SLC14A2: variants seen among roughly 807,000 people sequenced by gnomAD.
The protein encoded by SLC14A2 is solute carrier family 14 member 2, also known as urea transporter 2.
In SLC14A2, 91 loss-of-function variants were observed where a neutral mutation model predicts 104.6. The observed-to-expected ratio is 0.87, with a 90% CI of 0.73 to 1.04. The LOEUF (loss-of-function observed/expected upper bound fraction) is 1.04, where lower values mean the gene tolerates loss of function less well. SLC14A2 is among the 50% of genes least tolerant of loss of function. The probability of loss-of-function intolerance (pLI) is 0.00; values close to 1 mark genes in which losing one functional copy is unlikely to be tolerated. For missense variants in SLC14A2, 1,189 were observed against 1,156.0 expected (o/e 1.03, Z -0.41); for synonymous variants, 476 against 466.4 (o/e 1.02, Z -0.27).
intron 2 of SLC14A2, among the ~76,000 whole-genome samples, chr18:45,485,933 C>T (rs74581885): frequency 0.026 from 4,014 of 152,200 alleles, 71 homozygotes; most frequent in Non-Finnish European, 0.041. Flanking sequence ...TGTGATGACA[C>T]AAGTTTAATT....
chr18:45,220,882 A>T (rs971484335), intron 1 of SLC14A2, among the ~76,000 whole-genome samples: 2 of 152,212 alleles, frequency 1.3e-5, no homozygotes, highest in African/African-American at 4.8e-5. Context: ...TTTTTGGTTT[A>T]CAGAGGGCTA....
At chr18:45,660,426 C>T (rs981355936) in intron 10 of SLC14A2, among the ~76,000 whole-genome samples, 1 of 152,228 alleles carries the variant, frequency 6.6e-6, no homozygotes, top group Non-Finnish European at 1.5e-5. Context: ...TGTCCTCCCT[C>T]AGGAGATACC....
At chr18:45,572,547 G>A (rs1031453373) in intron 2 of SLC14A2, among the ~76,000 whole-genome samples, 6 of 152,092 alleles carry the variant, frequency 3.9e-5, no homozygotes, top group African/African-American at 1.2e-4. Context: ...GTTTAACCCT[G>A]GCATTCACCT....
intron 2 of SLC14A2, among the ~76,000 whole-genome samples, chr18:45,600,023 T>A (rs569108489): frequency 1.3e-5 from 2 of 151,700 alleles, no homozygotes; most frequent in South Asian, 2.1e-4. Flanking sequence ...ACAAACAATA[T>A]CAGAGCCCTT....
chr18:45,222,036 A>G (rs1414230826), intron 1 of SLC14A2, among the ~76,000 whole-genome samples: 2 of 152,148 alleles, frequency 1.3e-5, no homozygotes, highest in Admixed American at 1.3e-4. Flanking sequence ...TAAGATACAA[A>G]GAGAGAAGAT....
chr18:45,477,418 G>A (rs1322890089), intron 1 of SLC14A2, among the ~76,000 whole-genome samples: 1 of 152,156 alleles, frequency 6.6e-6, no homozygotes, highest in Non-Finnish European at 1.5e-5. Context: ...GGTGTCTGTC[G>A]ACCCCTGCTA....
At chr18:45,487,130 C>G (rs2087622153) in intron 2 of SLC14A2, among the ~76,000 whole-genome samples, 1 of 152,214 alleles carries the variant, frequency 6.6e-6, no homozygotes, top group Admixed American at 6.5e-5. Flanking sequence ...ATCAAGGTAC[C>G]AGCAGTGCTG....
chr18:45,313,604 C>T (rs1046610177), intron 1 of SLC14A2, among the ~76,000 whole-genome samples: 2 of 152,130 alleles, frequency 1.3e-5, no homozygotes, highest in African/African-American at 4.8e-5. Context: ...CTAGTTCTAG[C>T]TCAGTAATAT....
intron 1 of SLC14A2, among the ~76,000 whole-genome samples, chr18:45,450,005 G>A (rs949493999): frequency 6.6e-6 from 1 of 152,208 alleles, no homozygotes; most frequent in South Asian, 2.1e-4. Flanking sequence ...TCGGTCCCAT[G>A]AACCATCTGC....
At chr18:45,212,272 G>T (rs1480713289), upstream of SLC14A2, among the ~76,000 whole-genome samples, 1 of 152,136 alleles carries the variant, frequency 6.6e-6, no homozygotes, top group Non-Finnish European at 1.5e-5. Flanking sequence ...GAGTTAATTT[G>T]CACATTGTAA....
intron 2 of SLC14A2, among the ~76,000 whole-genome samples, chr18:45,576,582 G>T (rs1021070326): frequency 1.3e-5 from 2 of 152,004 alleles, no homozygotes. Flanking sequence ...TGGAGCAGGG[G>T]TCTTCTTAAA....
At chr18:45,296,884 T>C (rs998778469) in intron 1 of SLC14A2, among the ~76,000 whole-genome samples, 1 of 152,230 alleles carries the variant, frequency 6.6e-6, no homozygotes, top group Admixed American at 6.5e-5. Context: ...AAATATCCTA[T>C]TGTTCTTTTC....
chr18:45,478,538 CTTCTT>C (rs1385836698), intron 1 of SLC14A2, among the ~76,000 whole-genome samples: 1 of 152,164 alleles, frequency 6.6e-6, no homozygotes, highest in Non-Finnish European at 1.5e-5. Flanking sequence ...TTATCATTAC[CTTCTT>C]TTCTTGCAAT....
At chr18:45,672,187 G>A (rs2046151424) in intron 16 of SLC14A2, among the ~76,000 whole-genome samples, 1 of 152,074 alleles carries the variant, frequency 6.6e-6, no homozygotes. Context: ...AACACACAGG[G>A]CCATTTTTTT....
chr18:45,660,394 G>A (rs896532098), intron 10 of SLC14A2, among the ~76,000 whole-genome samples: 1 of 152,152 alleles, frequency 6.6e-6, no homozygotes, highest in Admixed American at 6.5e-5. Context: ...GAGCAGAGGG[G>A]CCTAGTTCCA....
chr18:45,202,531 T>C, the SLC14A2 span, among the ~76,000 whole-genome samples: 1 of 152,156 alleles, frequency 6.6e-6, no homozygotes, highest in Non-Finnish European at 1.5e-5. Context: ...AATATTATTT[T>C]TGTTTCGTTT....
chr18:45,257,892 A>G (rs2084496332), intron 1 of SLC14A2, among the ~76,000 whole-genome samples: 1 of 152,200 alleles, frequency 6.6e-6, no homozygotes, highest in Non-Finnish European at 1.5e-5. Context: ...TGAGCCACAG[A>G]ACATCCTCTG....
At chr18:45,287,100 GA>G (rs2084822387) in intron 1 of SLC14A2, among the ~76,000 whole-genome samples, 1 of 152,152 alleles carries the variant, frequency 6.6e-6, no homozygotes. Flanking sequence ...ACCCCACAGA[GA>G]CTCAAAAGAA....
intron 1 of SLC14A2, among the ~76,000 whole-genome samples, chr18:45,254,713 G>A (rs1218003449): frequency 6.6e-6 from 1 of 151,968 alleles, no homozygotes; most frequent in African/African-American, 2.4e-5. Flanking sequence ...AAAATAAGAG[G>A]TCACCAAGGA....
Sources: allele counts gnomAD v4.1 joint callset (sites outside exome capture counted in the v4.1 genomes callset), GRCh38; gene constraint gnomAD v4.1.1; transcripts MANE v1.5; gene names NCBI Gene and HGNC (gene_info 2026-07-23, HGNC 2026-07-21).